The following SVIL variants were observed in gnomAD, a reference collection of about 807,000 sequenced individuals.
SVIL encodes the protein supervillin.
In SVIL, 101 loss-of-function variants were observed where a neutral mutation model predicts 240.4. The ratio of observed to expected loss-of-function variants is 0.42; its 90% confidence interval spans 0.36 to 0.50. SVIL has a LOEUF of 0.50. SVIL is among the 20% of genes least tolerant of loss of function. The probability of loss-of-function intolerance (pLI) is 0.01; values close to 1 mark genes in which losing one functional copy is unlikely to be tolerated. For missense variants in SVIL, 2,512 were observed against 2,818.7 expected (o/e 0.89, Z 2.46); for synonymous variants, 999 against 1,100.0 (o/e 0.91, Z 1.82).
In SVIL at chr10:29,463,622, A is replaced by T; in HGVS notation, c.6147T>A (p.Val2049=). The change falls in exon 35 of 38, where the codon GTT becomes GTA. Residue 2049 remains valine (V), a synonymous_variant. Transcript: ENST00000355867. ...YSAPQPALFL[V]DNHHEVYLWQ... is the part of the protein sequence containing the mutation. ...AGAGGTACACCTCGTGGTGATTGTC[A>T]ACAAGGAAAAGTGCTGTGAGGGCAG... is the stretch of plus-strand genomic sequence containing the variant. 1.2e-6 allele frequency: 2 copies of T among 1,614,070 alleles called. No homozygotes were observed. Among genetic ancestry groups the T allele is most frequent in the Non-Finnish European group, 1.7e-6 (2 of 1,179,990 alleles).
intron 2 of SVIL, among the ~76,000 whole-genome samples, chr10:29,658,414 T>C (rs1424507151): frequency 6.6e-6 from 1 of 152,236 alleles, no homozygotes; most frequent in Non-Finnish European, 1.5e-5. Context: ...GCAAGAATCA[T>C]TTTTGGTAAA....
chr10:29,562,899 G>A (rs934467897), intron 3 of SVIL, among the ~76,000 whole-genome samples: 4 of 152,194 alleles, frequency 2.6e-5, no homozygotes, highest in East Asian at 1.9e-4. Context: ...AAGGTTAAAC[G>A]GAGAAAGAGA....
intron 1 of SVIL, among the ~76,000 whole-genome samples, chr10:29,585,526 C>T (rs899835608): frequency 5.3e-5 from 8 of 152,144 alleles, no homozygotes; most frequent in African/African-American, 1.9e-4. Context: ...TGAATTTGTG[C>T]TTTCCCTGAA....
chr10:29,491,776 T>C (rs544396222), intron 21 of SVIL, among the ~76,000 whole-genome samples: 4 of 152,326 alleles, frequency 2.6e-5, no homozygotes, highest in African/African-American at 9.6e-5. Context: ...GTGTCATATG[T>C]GTCTATCAAT....
chr10:29,677,894 C>T (rs1004250700), intron 2 of SVIL, among the ~76,000 whole-genome samples: 8 of 152,132 alleles, frequency 5.3e-5, no homozygotes, highest in African/African-American at 1.9e-4. Context: ...CTCAAAGAAA[C>T]TACAATGTTC....
chr10:29,458,754 A>C, intron 36 of SVIL, 165 bp from the exon 37 acceptor site: 1 of 627,496 alleles, frequency 1.6e-6, no homozygotes, highest in South Asian at 3.2e-5. Context: ...GGGATCGCCC[A>C]AAGCCCTGCA....
chr10:29,551,030 A>G lies in SVIL; in HGVS notation c.394T>C (p.Tyr132His), dbSNP rs745796255. 1.5e-5 allele frequency: 25 copies of G among 1,613,652 alleles called. No individual in the cohort carries two copies. Among genetic ancestry groups the G allele is most frequent in the Non-Finnish European group, 1.5e-5 (18 of 1,179,970 alleles). The change falls in exon 6 of 38, where the codon TAT (tyrosine) becomes CAT (histidine). Residue 132 changes from tyrosine to histidine, a missense_variant. Coordinates refer to ENST00000355867, the MANE Select transcript of SVIL (RefSeq NM_021738.3). ...LTLDPEADSE[Y>H]LSRYTKSRKE... ...CTGGACTTGGTATAGCGGGATAAAT[A>G]CTCGGAGTCGGCCTCGGGATCCAGA...
chr10:29,697,609 T>G (rs1277081336), intron 1 of SVIL, among the ~76,000 whole-genome samples: 1 of 124,928 alleles, frequency 8.0e-6, no homozygotes, highest in South Asian at 2.6e-4. Context: ...AAACAGATGC[T>G]TGAAGGCAGC....
chr10:29,558,058 T>G (rs1954101612), intron 3 of SVIL, among the ~76,000 whole-genome samples: 1 of 152,232 alleles, frequency 6.6e-6, no homozygotes, highest in Admixed American at 6.5e-5. Context: ...CTGCCCTAAA[T>G]TGAGAACCAT....
chr10:29,497,640 G>A (rs1320742310), intron 18 of SVIL, among the ~76,000 whole-genome samples: 5 of 152,290 alleles, frequency 3.3e-5, no homozygotes, highest in Non-Finnish European at 7.4e-5. Context: ...AAGCATATCC[G>A]GATTTGGCTT....
At position 29,484,690 on chromosome 10, in the gene SVIL, G is replaced by C; in HGVS notation, c.4921C>G (p.Leu1641Val). The C allele has an allele frequency of 6.2e-7, 1 of 1,613,822 alleles. No homozygotes were observed. The highest frequency in any genetic ancestry group is 1.1e-5 in the South Asian group (1 of 91,024). ...FDYENCDINPLDPGECNPLIP... is the reference protein window; with the variant it reads ...FDYENCDINPVDPGECNPLIP... ...AGCGGATTGCATTCTCCAGGATCCA[G>C]GGGATTGATGTCACAGTTCTCATAG... Residue 1641 changes from leucine (L) to valine (V), a missense_variant, in exon 27 of 38, where the codon CTG becomes GTG. Around this residue, in one of 3 missense-constraint regions of SVIL, gnomAD observed 797 missense variants for 925.3 expected, o/e 0.86. Coordinates refer to ENST00000355867, the MANE Select transcript of SVIL (RefSeq NM_021738.3). This position sits in a 1 kb window ranked among gnomAD's most constrained non-coding sequence, Gnocchi z 4.7.
At chr10:29,599,556 C>T (rs530292284) in intron 1 of SVIL, among the ~76,000 whole-genome samples, 24 of 152,168 alleles carry the variant, frequency 1.6e-4, no homozygotes, top group Admixed American at 5.9e-4. Context: ...GCTGGGACTA[C>T]GGGTATGTGC....
intron 6 of SVIL, among the ~76,000 whole-genome samples, chr10:29,542,866 G>T (rs1486851462): frequency 6.6e-6 from 1 of 152,058 alleles, no homozygotes; most frequent in East Asian, 1.9e-4. Context: ...TCCTCATTTG[G>T]CTCATGACCT....
chr10:29,566,362 G>A (rs558124412), intron 2 of SVIL, among the ~76,000 whole-genome samples: 12 of 152,230 alleles, frequency 7.9e-5, no homozygotes, highest in East Asian at 7.7e-4. Context: ...TCCTGTCTCC[G>A]CTGCCTCTCT....
At chr10:29,704,323 T>C (rs377103675) in intron 1 of SVIL, among the ~76,000 whole-genome samples, 32 of 152,348 alleles carry the variant, frequency 2.1e-4, no homozygotes, top group African/African-American at 7.7e-4. Context: ...GAACTGAGCA[T>C]GCACCAAACT....
chr10:29,482,980 G>A (rs10740807), intron 27 of SVIL: 69,413 of 152,042 alleles, frequency 0.46, 17,010 homozygotes, highest in African/African-American at 0.62. Flanking sequence ...AGGCACATCA[G>A]AAAGGCTGCC....
intron 1 of SVIL, among the ~76,000 whole-genome samples, chr10:29,582,306 C>A (rs2132766860): frequency 6.6e-6 from 1 of 152,320 alleles, no homozygotes; most frequent in African/African-American, 2.4e-5. Context: ...TGCTGAGCAC[C>A]TGGAGAACAG....
At chr10:29,493,559 T>C (rs1948162268) in intron 20 of SVIL, among the ~76,000 whole-genome samples, 168 bp from the exon 21 acceptor site, 1 of 152,158 alleles carries the variant, frequency 6.6e-6, no homozygotes, top group Non-Finnish European at 1.5e-5. Context: ...ACTTAATCTC[T>C]GACGTAAGGA....
intron 3 of SVIL, among the ~76,000 whole-genome samples, chr10:29,640,993 C>A (rs144183101): frequency 1.2e-4 from 18 of 152,342 alleles, no homozygotes; most frequent in African/African-American, 4.3e-4. Flanking sequence ...ATAGCGCTTG[C>A]TTCTTACCCA....
Sources: allele counts gnomAD v4.1 joint callset (sites outside exome capture counted in the v4.1 genomes callset), GRCh38; gene constraint gnomAD v4.1.1; regional missense constraint gnomAD v4.1.1; non-coding constraint Gnocchi (gnomAD v3.1); transcripts MANE v1.5; gene names NCBI Gene and HGNC (gene_info 2026-07-23, HGNC 2026-07-21).